CHL1: variants seen among roughly 807,000 people sequenced by gnomAD.
The protein encoded by CHL1 is cell adhesion molecule L1 like.
A neutral mutation model predicts 141.9 loss-of-function variants in CHL1; 96 were observed. The observed-to-expected ratio is 0.68, with a 90% confidence interval of 0.57 to 0.80. The LOEUF (loss-of-function observed/expected upper bound fraction) is 0.80. CHL1 is among the 30% of genes least tolerant of loss of function. The pLI is 0.00. For missense variants in CHL1, 1,820 were observed against 1,457.2 expected (o/e 1.25, Z -4.05); for synonymous variants, 613 against 502.2 (o/e 1.22, Z -2.95).
chr3:379,368 C>G (rs909855521), intron 16 of CHL1, among the ~76,000 whole-genome samples: 1 of 152,078 alleles, frequency 6.6e-6, no homozygotes, highest in Non-Finnish European at 1.5e-5. Context: ...TACCTTTAGG[C>G]AGAATGTTTG....
rs1692724633 is a variant in CHL1 at position 242,461 on chromosome 3, TGGTG to T, written c.-174-2149_-174-2146del. Among the ~76,000 whole-genome samples, 3 of 145,444 alleles carry T rather than the reference TGGTG, an allele frequency of 2.1e-5. No individual in the cohort carries two copies. In the Admixed American group the frequency reaches 2.1e-4, roughly 10 times the overall value. ...AATACAAAAAATTATCCCGGCGTGG[TGGTG>T]GGCGCCTGTAGTCCCAGCTACCTGG... On this transcript the variant is annotated intron_variant, in intron 1 of 27. Coordinates refer to ENST00000256509, the MANE Select transcript of CHL1 (RefSeq NM_006614.4).
intron 2 of CHL1, among the ~76,000 whole-genome samples, chr3:253,808 T>C (rs1423990131): frequency 6.6e-6 from 1 of 151,960 alleles, no homozygotes; most frequent in Non-Finnish European, 1.5e-5. Flanking sequence ...AATAAATGGA[T>C]AAAAAGAGAA....
At chr3:384,036 T>G (rs1707373577) in intron 19 of CHL1, 150 bp downstream of exon 19, 1 of 536,644 alleles carries the variant, frequency 1.9e-6, no homozygotes, top group Admixed American at 3.1e-5. Context: ...ATCACAAATT[T>G]TAAAGATCAT....
chr3:401,910 C>A (rs1362416890), intron 27 of CHL1, among the ~76,000 whole-genome samples: 2 of 152,194 alleles, frequency 1.3e-5, no homozygotes, highest in African/African-American at 4.8e-5. Flanking sequence ...ACCGTCTAGG[C>A]AGAAATGTCA....
chr3:230,038 G>A (rs182629427), intron 1 of CHL1, among the ~76,000 whole-genome samples: 321 of 152,224 alleles, frequency 2.1e-3, no homozygotes, highest in African/African-American at 7.4e-3. Flanking sequence ...GCCCAATAAG[G>A]TTCTGTACAA....
At chr3:287,933 G>GT (rs1189821759) in intron 2 of CHL1, among the ~76,000 whole-genome samples, 8 of 85,922 alleles carry the variant, frequency 9.3e-5, no homozygotes, top group African/African-American at 3.5e-4. Flanking sequence ...GCCAGGCTAA[G>GT]TTTTTTGTAT....
chr3:210,743 T>C (rs1699840351), intron 1 of CHL1, among the ~76,000 whole-genome samples: 1 of 152,238 alleles, frequency 6.6e-6, no homozygotes, highest in South Asian at 2.1e-4. Context: ...ACTCACCATG[T>C]GACTGCTTAC....
chr3:384,075 G>A (rs950272776), intron 19 of CHL1, among the ~76,000 whole-genome samples, 189 bp downstream of exon 19: 5 of 152,128 alleles, frequency 3.3e-5, no homozygotes, highest in Admixed American at 2.6e-4. Flanking sequence ...ATGAAATCGA[G>A]TTTAACACTG....
chr3:252,673 G>A (rs1316621093), intron 2 of CHL1, among the ~76,000 whole-genome samples: 1 of 151,684 alleles, frequency 6.6e-6, no homozygotes, highest in East Asian at 1.9e-4. Context: ...TCCAAGGTAA[G>A]GAAGAACCTA....
intron 10 of CHL1, among the ~76,000 whole-genome samples, chr3:353,509 C>T (rs566059243): frequency 9.2e-5 from 14 of 152,116 alleles, no homozygotes; most frequent in Non-Finnish European, 8.8e-5. Flanking sequence ...AGATATTTAA[C>T]TTGGAATTTA....
chr3:288,517 G>A (rs900243941), intron 2 of CHL1, among the ~76,000 whole-genome samples: 1 of 152,118 alleles, frequency 6.6e-6, no homozygotes, highest in Non-Finnish European at 1.5e-5. Flanking sequence ...GTTCCTCTGA[G>A]TCTGTCTTTT....
chr3:233,920 CTTAG>C (rs1356288000), intron 1 of CHL1, among the ~76,000 whole-genome samples: 6 of 151,898 alleles, frequency 4.0e-5, no homozygotes, highest in Admixed American at 6.6e-5. Flanking sequence ...TTAATCCAAA[CTTAG>C]TTAGATTTCT....
rs182137108 is a variant in CHL1, at chr3:224,076, G to A, written c.-174-20537G>A. ...TCTTGTAACCTCTGGCACAATGGCT[G>A]GTTATTGTTTAACTGTACCTACATC... On this transcript the variant is annotated intron_variant, in intron 1 of 27. Transcript: ENST00000256509. Among the ~76,000 whole-genome samples the A allele has an allele frequency of 1.4e-3, 217 of 152,252 alleles. 1 individual carries two copies. Among genetic ancestry groups the A allele is most frequent in the Non-Finnish European group, 1.7e-3 (118 of 68,026 alleles).
chr3:336,278 A>G (rs1701853915), intron 5 of CHL1, among the ~76,000 whole-genome samples: 1 of 152,204 alleles, frequency 6.6e-6, no homozygotes, highest in Non-Finnish European at 1.5e-5. Context: ...ATAGGAAAAT[A>G]TAAGGAAACC....
At chr3:310,611 G>T (rs1248298410) in intron 2 of CHL1, among the ~76,000 whole-genome samples, 1 of 152,084 alleles carries the variant, frequency 6.6e-6, no homozygotes, top group Non-Finnish European at 1.5e-5. Context: ...TAGGTTCACA[G>T]CAAAATTGGG....
At chr3:320,400 A>G (rs139684312) in intron 3 of CHL1, among the ~76,000 whole-genome samples, 57 of 152,206 alleles carry the variant, frequency 3.7e-4, no homozygotes, top group Non-Finnish European at 1.0e-4. Flanking sequence ...ATTCATATTA[A>G]GAGGTTAAAC....
At chr3:396,143 G>A (rs1045022061) in intron 24 of CHL1, among the ~76,000 whole-genome samples, 3 of 152,104 alleles carry the variant, frequency 2.0e-5, no homozygotes, top group African/African-American at 7.2e-5. Flanking sequence ...TATTCCCAGG[G>A]ATGAATTGAA....
At chr3:207,628 T>C (rs2124874611) in intron 1 of CHL1, among the ~76,000 whole-genome samples, 1 of 152,318 alleles carries the variant, frequency 6.6e-6, no homozygotes, top group East Asian at 1.9e-4. Context: ...TAATAGGCTA[T>C]ATTGCGTTAT....
At chr3:229,311 G>A (rs1218812373) in intron 1 of CHL1, among the ~76,000 whole-genome samples, 2 of 151,946 alleles carry the variant, frequency 1.3e-5, no homozygotes, top group Non-Finnish European at 2.9e-5. Context: ...TGTAAAAAAT[G>A]GCAGGAGAAA....
Sources: gnomAD v4.1 joint callset for allele counts (sites outside exome capture counted in the v4.1 genomes callset) on GRCh38, gnomAD v4.1.1 for gene constraint, MANE v1.5 for transcripts, NCBI Gene and HGNC (gene_info 2026-07-23, HGNC 2026-07-21) for gene names.